Variants in AOPEP observed in about 807,000 individuals in gnomAD.
The protein encoded by AOPEP is aminopeptidase O (putative), also known as aminopeptidase O.
A neutral mutation model predicts 98.1 loss-of-function variants in AOPEP; 77 were observed. That is an observed-to-expected ratio of 0.78 (90% CI 0.65 to 0.95). The LOEUF (loss-of-function observed/expected upper bound fraction) is 0.95, where lower values mean the gene tolerates loss of function less well. AOPEP is among the 40% of genes least tolerant of loss of function. The probability of loss-of-function intolerance (pLI) is 0.00; values close to 1 mark genes in which losing one functional copy is unlikely to be tolerated. For missense variants in AOPEP, 1,024 were observed against 1,024.7 expected (o/e 1.00, Z 0.01); for synonymous variants, 346 against 365.3 (o/e 0.95, Z 0.60).
intron 5 of AOPEP, among the ~76,000 whole-genome samples, chr9:94,855,460 G>A (rs891526259): frequency 2.6e-5 from 4 of 152,148 alleles, no homozygotes; most frequent in South Asian, 2.1e-4. Context: ...AGGCTGAGGC[G>A]GGCGGATCAC....
At chr9:95,104,978 A>G in the AOPEP span, among the ~76,000 whole-genome samples, 1 of 152,244 alleles carries the variant, frequency 6.6e-6, no homozygotes, top group Non-Finnish European at 1.5e-5. Context: ...CGCTCAGTGT[A>G]AAGCCCTCTA....
chr9:94,794,255 G>A (rs1588246952), intron 4 of AOPEP, among the ~76,000 whole-genome samples: 2 of 152,338 alleles, frequency 1.3e-5, no homozygotes, highest in East Asian at 3.9e-4. Flanking sequence ...CGCTGAGAAG[G>A]TGCACAGCAC....
intron 5 of AOPEP, among the ~76,000 whole-genome samples, chr9:94,880,810 C>T (rs898647093): frequency 4.6e-5 from 7 of 152,178 alleles, no homozygotes; most frequent in Non-Finnish European, 8.8e-5. Flanking sequence ...AGGAAGAGTT[C>T]CCTTCTCTAT....
chr9:94,996,801 C>T (rs2061274638), intron 11 of AOPEP, among the ~76,000 whole-genome samples: 1 of 152,128 alleles, frequency 6.6e-6, no homozygotes, highest in South Asian at 2.1e-4. Flanking sequence ...TGTGTGTTTT[C>T]TAAACAATAG....
intron 5 of AOPEP, among the ~76,000 whole-genome samples, chr9:94,835,782 G>A (rs2041519302): frequency 6.6e-6 from 1 of 152,216 alleles, no homozygotes; most frequent in South Asian, 2.1e-4. Context: ...AGGGAGTGCA[G>A]TAGGGCCAAG....
intron 5 of AOPEP, among the ~76,000 whole-genome samples, chr9:94,906,484 A>ATAATAATAATAAT (rs201137956): frequency 2.5e-5 from 2 of 79,760 alleles, no homozygotes; most frequent in Non-Finnish European, 8.6e-5. Flanking sequence ...AATAATAATA[A>ATAATAATAATAAT]AAAAACAGAC....
At chr9:94,834,865 C>CA (rs1215473141) in intron 5 of AOPEP, among the ~76,000 whole-genome samples, 2 of 151,526 alleles carry the variant, frequency 1.3e-5, no homozygotes, top group African/African-American at 2.4e-5. Context: ...AACAATAAAA[C>CA]AAAAAAGATT....
intron 9 of AOPEP, among the ~76,000 whole-genome samples, chr9:94,966,792 C>G (rs2059228730): frequency 6.6e-6 from 1 of 152,024 alleles, no homozygotes; most frequent in South Asian, 2.1e-4. Flanking sequence ...GGCATCTCTT[C>G]TTATTTGACA....
chr9:94,829,033 T>G (rs1412591824), intron 5 of AOPEP, among the ~76,000 whole-genome samples: 1 of 151,934 alleles, frequency 6.6e-6, no homozygotes, highest in Non-Finnish European at 1.5e-5. Flanking sequence ...CACACCTGGC[T>G]AATTTTTGTA....
At chr9:95,102,357 A>T in the AOPEP span, among the ~76,000 whole-genome samples, 1 of 152,212 alleles carries the variant, frequency 6.6e-6, no homozygotes, top group East Asian at 1.9e-4. Flanking sequence ...TAAGGTTTTA[A>T]CACCTGATTC....
At chr9:95,142,045 T>A in the AOPEP span, among the ~76,000 whole-genome samples, 1 of 125,746 alleles carries the variant, frequency 8.0e-6, no homozygotes, top group African/African-American at 3.0e-5. Context: ...CAGGCTGGAG[T>A]GCAATGGCAC....
chr9:94,735,412 G>A (rs1179408114), intron 1 of AOPEP, among the ~76,000 whole-genome samples: 1 of 152,066 alleles, frequency 6.6e-6, no homozygotes, highest in Non-Finnish European at 1.5e-5. Context: ...AGTAGAGACA[G>A]GGTTTCACCG....
chr9:95,008,447 A>G (rs1290915302), intron 13 of AOPEP, among the ~76,000 whole-genome samples: 1 of 152,202 alleles, frequency 6.6e-6, no homozygotes, highest in African/African-American at 2.4e-5. Flanking sequence ...AAGGAGCTAC[A>G]CGGTAGAACG....
chr9:95,058,560 C>G (rs1248347925), intron 13 of AOPEP, among the ~76,000 whole-genome samples: 2 of 152,182 alleles, frequency 1.3e-5, no homozygotes, highest in Admixed American at 6.5e-5. Context: ...GCCTTGATGC[C>G]AGGCGCCTGT....
At chr9:95,137,618 T>C in the AOPEP span, among the ~76,000 whole-genome samples, 1 of 152,202 alleles carries the variant, frequency 6.6e-6, no homozygotes, top group South Asian at 2.1e-4. Context: ...TTGAGGTGTG[T>C]GGATTTGGAG....
At chr9:95,077,459 G>C (rs1385291740) in intron 14 of AOPEP, among the ~76,000 whole-genome samples, 1 of 152,226 alleles carries the variant, frequency 6.6e-6, no homozygotes, top group African/African-American at 2.4e-5. Flanking sequence ...GCCCACTGGT[G>C]CCAGGCACCG....
chr9:94,949,901 G>A (rs946278681), intron 7 of AOPEP, among the ~76,000 whole-genome samples: 3 of 152,174 alleles, frequency 2.0e-5, no homozygotes, highest in Admixed American at 2.0e-4. Context: ...CCCAGACCTA[G>A]CTTAGTAGGA....
intron 5 of AOPEP, among the ~76,000 whole-genome samples, chr9:94,811,867 T>A (rs1306168196): frequency 6.6e-6 from 1 of 152,154 alleles, no homozygotes; most frequent in Non-Finnish European, 1.5e-5. Context: ...AAACTTGGAG[T>A]GTCTCCCGTA....
intron 5 of AOPEP, among the ~76,000 whole-genome samples, chr9:94,850,706 G>A (rs1312105182): frequency 1.3e-5 from 2 of 152,180 alleles, no homozygotes; most frequent in African/African-American, 4.8e-5. Context: ...TGTCTTACTT[G>A]CTGGAAAATC....
Sources: allele counts gnomAD v4.1 joint callset (sites outside exome capture counted in the v4.1 genomes callset), GRCh38; gene constraint gnomAD v4.1.1; transcripts MANE v1.5; gene names NCBI Gene and HGNC (gene_info 2026-07-23, HGNC 2026-07-21).